The following PACS2 variants were observed in gnomAD, a reference collection of about 807,000 sequenced individuals.
PACS2 encodes phosphofurin acidic cluster sorting protein 2.
In PACS2, 36 loss-of-function variants were observed where a neutral mutation model predicts 113.0. That is an observed-to-expected ratio of 0.32 (90% CI 0.24 to 0.42). PACS2 has a LOEUF of 0.42. PACS2 is among the 10% of genes least tolerant of loss of function. PACS2 has a pLI of 1.00. For synonymous variants in PACS2, 589 were observed against 536.1 expected, an observed-to-expected ratio of 1.10 and a Z score of -1.36; for missense variants, 1,015 against 1,239.5, an observed-to-expected ratio of 0.82 and a Z score of 2.72.
intron 20 of PACS2, 120 bp downstream of exon 20, chr14:105,390,123 G>C: frequency 1.1e-6 from 1 of 935,942 alleles, no homozygotes; most frequent in Non-Finnish European, 1.8e-6. Flanking sequence ...ATACGAGCTG[G>C]GGATTTGCCT....
chr14:105,311,847 C>A (rs2058358358), upstream of PACS2, among the ~76,000 whole-genome samples: 1 of 152,232 alleles, frequency 6.6e-6, no homozygotes, highest in East Asian at 1.9e-4. Flanking sequence ...TCCTCCTCAG[C>A]CTCAGTCATG....
intron 1 of PACS2, among the ~76,000 whole-genome samples, chr14:105,336,909 G>A (rs1339412337): frequency 6.6e-6 from 1 of 151,102 alleles, no homozygotes; most frequent in African/African-American, 2.4e-5. Flanking sequence ...CACTGACGCA[G>A]GGCCTCCAGG....
chr14:105,393,950 A>G (rs1186697195), intron 24 of PACS2, among the ~76,000 whole-genome samples: 2 of 148,424 alleles, frequency 1.3e-5, no homozygotes, highest in Non-Finnish European at 3.0e-5. Flanking sequence ...AGGCAGGAGA[A>G]TGGCGTGAAC....
chr14:105,353,871 C>T (rs2060328748), intron 3 of PACS2, among the ~76,000 whole-genome samples: 3 of 151,918 alleles, frequency 2.0e-5, no homozygotes, highest in Admixed American at 6.5e-5. Context: ...GGATTACAGG[C>T]GTGGGACACC....
chr14:105,394,737 A>G lies in PACS2; in HGVS notation c.*65A>G. 9.9e-7 allele frequency: 1 copy of G among 1,010,042 alleles called. No homozygotes were observed. The highest frequency in any genetic ancestry group is 1.6e-6 in the Non-Finnish European group (1 of 629,726). The allele number at this position is 1,010,042 out of a possible 1,614,324, so 62.6% of individuals were successfully genotyped here. On this transcript the variant is annotated 3_prime_UTR_variant, in exon 25 of 25. Coordinates refer to ENST00000447393, the MANE Select transcript of PACS2 (RefSeq NM_001100913.3). The stretch of plus-strand genomic sequence containing the variant: ...GAGGGGCCCAGCTGCATTTCTGTTA[A>G]CATTTCAGTTTACTACAGAGACAGA...
intron 19 of PACS2, 101 bp from the exon 20 acceptor site, chr14:105,389,860 G>T: frequency 9.2e-7 from 1 of 1,082,256 alleles, no homozygotes; most frequent in Non-Finnish European, 1.4e-6. Context: ...CAGGGCCGCG[G>T]CCCCAGGGCT....
upstream of PACS2, among the ~76,000 whole-genome samples, chr14:105,312,024 C>T (rs887257103): frequency 6.6e-6 from 1 of 152,238 alleles, no homozygotes; most frequent in Non-Finnish European, 1.5e-5. Flanking sequence ...GGGCTGGAGC[C>T]GCCAACTGAC....
intron 1 of PACS2, among the ~76,000 whole-genome samples, chr14:105,341,490 C>T (rs75674861): frequency 0.014 from 2,187 of 152,284 alleles, 58 homozygotes; most frequent in African/African-American, 0.05. Flanking sequence ...TACAGCTGCA[C>T]GGTGTCCTGA....
At chr14:105,367,551 C>T (rs1555408248) in intron 5 of PACS2, among the ~76,000 whole-genome samples, 176 bp downstream of exon 5, 1 of 152,266 alleles carries the variant, frequency 6.6e-6, no homozygotes, top group Non-Finnish European at 1.5e-5. Context: ...GTTGTAGGGT[C>T]CGGGCTGCCA....
intron 4 of PACS2, 57 bp from the exon 5 acceptor site, chr14:105,367,156 G>T: frequency 6.5e-7 from 1 of 1,529,610 alleles, no homozygotes; most frequent in Non-Finnish European, 9.0e-7. Context: ...CACACATCAG[G>T]GCACCGGGGC....
intron 1 of PACS2, among the ~76,000 whole-genome samples, chr14:105,333,135 GCA>G (rs1264486904): frequency 1.3e-5 from 2 of 152,070 alleles, no homozygotes; most frequent in African/African-American, 2.4e-5. Context: ...ACATACACGT[GCA>G]CACACACACC....
intron 1 of PACS2, among the ~76,000 whole-genome samples, chr14:105,322,003 A>G (rs1044646609): frequency 1.6e-4 from 25 of 151,714 alleles, no homozygotes; most frequent in African/African-American, 5.3e-4. Context: ...CAGTCGTGCA[A>G]TCTTGGCTCA....
rs969225036 is a variant in PACS2 at position 105,395,952 on chromosome 14, G to C, written c.*1280G>C. The C allele has an allele frequency of 6.6e-6, 1 of 152,288 alleles. No homozygotes were observed. Among genetic ancestry groups the C allele is most frequent in the Non-Finnish European group, 1.5e-5 (1 of 68,078 alleles). 9.4% of individuals were successfully genotyped at this position (152,288 alleles called of 1,614,324 possible). On this transcript the variant is annotated 3_prime_UTR_variant, in exon 25 of 25. Coordinates refer to ENST00000447393, the MANE Select transcript of PACS2 (RefSeq NM_001100913.3). ...CCCTGGGGGCTCTTGGCCTGGTTTC[G>C]TAAGATGGAGCACTGCAAAAGGCCA...
At chr14:105,385,326 G>GT (rs1157983285) in intron 18 of PACS2, among the ~76,000 whole-genome samples, 1 of 152,238 alleles carries the variant, frequency 6.6e-6, no homozygotes, top group Non-Finnish European at 1.5e-5. Flanking sequence ...CACAGCCTGG[G>GT]TTTCTCGGGC....
In PACS2 at chr14:105,357,989, C is replaced by T. The variant is rs1166321700; in HGVS notation, c.423+2812C>T. ...GGATGTGGGGGGCACCTGCCCAGGA[C>T]CTCCAGGCTGTGGGGAGACCAGGAG... On this transcript the variant is annotated intron_variant, in intron 4 of 24. Coordinates refer to ENST00000447393, the MANE Select transcript of PACS2 (RefSeq NM_001100913.3). This position sits in a 1 kb window ranked among gnomAD's most constrained non-coding sequence, Gnocchi z 5.1. 5.9e-5 allele frequency among the ~76,000 whole-genome samples: 9 copies of T among 152,140 alleles called. No individual in the cohort carries two copies. The highest frequency in any genetic ancestry group is 1.0e-4 in the Non-Finnish European group (7 of 67,992).
chr14:105,359,259 C>T (rs1183556190), intron 4 of PACS2, among the ~76,000 whole-genome samples: 1 of 152,166 alleles, frequency 6.6e-6, no homozygotes, highest in African/African-American at 2.4e-5. Context: ...GCCCTATTCA[C>T]AGGCACCACT....
Position 105,383,017 on chromosome 14 carries a change from G to A in PACS2, c.1625+104G>A, listed in dbSNP as rs1266413011. The A allele has an allele frequency of 7.1e-6, 5 of 705,518 alleles. No homozygotes were observed. The Admixed American group carries it at 1.1e-4, about 16-fold the overall frequency. The allele number at this position is 705,518 out of a possible 1,614,324, so 43.7% of individuals were successfully genotyped here. On this transcript the variant is annotated intron_variant, in intron 15 of 24. Transcript: ENST00000447393. Reference sequence around the variant, plus strand: ...GGGGCTAGGTGCGTCCTGGACCTGGGGCTGTGGCTGGTGTCCACAGAGGCT... The same window carrying A: ...GGGGCTAGGTGCGTCCTGGACCTGGAGCTGTGGCTGGTGTCCACAGAGGCT...
chr14:105,331,370 G>A (rs1172471629), intron 1 of PACS2, among the ~76,000 whole-genome samples: 1 of 152,138 alleles, frequency 6.6e-6, no homozygotes, highest in Admixed American at 6.5e-5. Flanking sequence ...CCTCTCCTAA[G>A]TTTTGTTATT....
At chr14:105,304,454 C>T (rs950801945) in intron 1 of PACS2, among the ~76,000 whole-genome samples, 9 of 152,086 alleles carry the variant, frequency 5.9e-5, no homozygotes, top group African/African-American at 1.9e-4. Flanking sequence ...CGTCATTGCA[C>T]TTCAGCCTGG....
Sources: allele counts gnomAD v4.1 joint callset (sites outside exome capture counted in the v4.1 genomes callset), GRCh38; gene constraint gnomAD v4.1.1; non-coding constraint Gnocchi (gnomAD v3.1); transcripts MANE v1.5; gene names NCBI Gene and HGNC (gene_info 2026-07-23, HGNC 2026-07-21).